EXT2: variants seen among roughly 807,000 people sequenced by gnomAD.
EXT2 encodes the protein exostosin-2.
Under a neutral mutation model 81.6 loss-of-function variants are expected in EXT2, and 53 were observed. The ratio of observed to expected loss-of-function variants is 0.65; its 90% CI spans 0.52 to 0.82. The LOEUF is 0.82. Ranked by LOEUF, EXT2 falls within the 40% of genes least tolerant of loss-of-function variation. The pLI, the probability that EXT2 is intolerant of heterozygous loss-of-function variation, is 0.00. For synonymous variants in EXT2, 320 were observed against 340.0 expected (o/e 0.94, Z 0.65); for missense variants, 774 against 910.2 (o/e 0.85, Z 1.93).
Position 44,118,721 on chromosome 11 carries a change from T to C in EXT2, c.743+4420T>C, listed in dbSNP as rs544801631. On this transcript the variant is annotated intron_variant, in intron 4 of 13. Coordinates refer to ENST00000533608, the MANE Select transcript of EXT2 (RefSeq NM_207122.2). Reference sequence around the variant, plus strand: ...ATAATTCAGTGCCCTATTTCGAGGTTAGATTTTCATAAATTCAGAAAGGAT... The same window carrying C: ...ATAATTCAGTGCCCTATTTCGAGGTCAGATTTTCATAAATTCAGAAAGGAT... 3.9e-5 allele frequency among the ~76,000 whole-genome samples: 6 copies of C among 152,268 alleles called. No individual in the cohort carries two copies. In the East Asian group the frequency reaches 1.2e-3, roughly 30 times the overall value.
At chr11:44,174,135 T>C (rs1955121478) in intron 8 of EXT2, among the ~76,000 whole-genome samples, 1 of 152,206 alleles carries the variant, frequency 6.6e-6, no homozygotes, top group Non-Finnish European at 1.5e-5. Context: ...AGAAATGATC[T>C]TCATGTGTAT....
chr11:44,182,006 CATTGATCAGAGA>C (rs1405388424), intron 8 of EXT2, among the ~76,000 whole-genome samples: 4 of 152,050 alleles, frequency 2.6e-5, no homozygotes, highest in Non-Finnish European at 5.9e-5. Context: ...TGGACTGGCT[CATTGATCAGAGA>C]ATAATCTTTC....
intron 10 of EXT2, among the ~76,000 whole-genome samples, chr11:44,223,408 G>T (rs1030079179): frequency 6.6e-6 from 1 of 152,156 alleles, no homozygotes; most frequent in Admixed American, 6.5e-5. Flanking sequence ...AAATGGTTAA[G>T]CAGACTATGG....
intron 7 of EXT2, among the ~76,000 whole-genome samples, chr11:44,137,873 G>T (rs1454487110): frequency 6.6e-6 from 1 of 152,188 alleles, no homozygotes; most frequent in East Asian, 1.9e-4. Flanking sequence ...ATTTTAAAAA[G>T]GGTGGGCACA....
At chr11:44,199,016 A>G (rs890574191) in intron 9 of EXT2, among the ~76,000 whole-genome samples, 6 of 152,184 alleles carry the variant, frequency 3.9e-5, no homozygotes, top group Non-Finnish European at 7.3e-5. Flanking sequence ...TGAGAGAATC[A>G]TATGCTTTCT....
intron 5 of EXT2, among the ~76,000 whole-genome samples, chr11:44,125,358 C>T (rs1251316637): frequency 6.6e-6 from 1 of 152,158 alleles, no homozygotes; most frequent in Non-Finnish European, 1.5e-5. Context: ...AACTTGCATC[C>T]CTTGACCATG....
chr11:44,210,187 G>T (rs1245561639), intron 10 of EXT2, among the ~76,000 whole-genome samples: 1 of 152,148 alleles, frequency 6.6e-6, no homozygotes, highest in Non-Finnish European at 1.5e-5. Context: ...ACAAATATTT[G>T]TACGCTAACA....
chr11:44,181,395 G>A (rs1955234457), intron 8 of EXT2, among the ~76,000 whole-genome samples: 1 of 152,020 alleles, frequency 6.6e-6, no homozygotes, highest in South Asian at 2.1e-4. Context: ...CTTTTAAACT[G>A]GAAATCCATG....
chr11:44,160,436 T>C (rs1454806549), intron 7 of EXT2, among the ~76,000 whole-genome samples: 1 of 152,220 alleles, frequency 6.6e-6, no homozygotes, highest in Non-Finnish European at 1.5e-5. Context: ...TGGTGACTTC[T>C]AAGCTTATTA....
chr11:44,168,499 A>G (rs1160920136), intron 7 of EXT2, among the ~76,000 whole-genome samples: 1 of 152,244 alleles, frequency 6.6e-6, no homozygotes. Flanking sequence ...GAAGCGCTAC[A>G]ATCCTCAGTG....
At position 44,109,197 on chromosome 11, in the gene EXT2, G is replaced by A. The variant is rs2134971524; in HGVS notation, c.540G>A (p.Trp180Ter). ...TACATTTTAAATTTCTTGACAGGTG[G>A]GATCGAGGTACGAATCACCTGTTGT... ...TAQAMAQLSR[W>*]DRGTNHLLFN... is the part of the protein sequence containing the mutation. Residue 180 changes from tryptophan to a stop codon, truncating the protein, a stop_gained, in exon 3 of 14, where the codon TGG (tryptophan) becomes TGA (stop). Coordinates refer to ENST00000533608, the MANE Select transcript of EXT2 (RefSeq NM_207122.2). LOFTEE classifies it high-confidence loss of function. 6.2e-7 allele frequency: 1 copy of A among 1,613,894 alleles called. No homozygotes were observed. The highest frequency in any genetic ancestry group is 8.5e-7 in the Non-Finnish European group (1 of 1,179,904).
intron 1 of EXT2, 30 bp from the exon 2 acceptor site, chr11:44,107,653 G>A: frequency 1.9e-6 from 3 of 1,587,316 alleles, no homozygotes; most frequent in South Asian, 1.1e-5. Context: ...TAAATACTTG[G>A]TTTTTCTTAT....
At chr11:44,100,739 A>G (rs947021614) in intron 1 of EXT2, among the ~76,000 whole-genome samples, 5 of 152,168 alleles carry the variant, frequency 3.3e-5, no homozygotes, top group Non-Finnish European at 7.3e-5. Context: ...AAGGAAGCTG[A>G]ATGCACAGCC....
Position 44,248,964 on chromosome 11 carries a change from G to GTT in EXT2, c.*4683_*4684dup, listed in dbSNP as rs56956349. ...ACATTTGCAACCATTTCAGGGTAGA[G>GTT]TTTTTTTGTTTGTTTGTTTGTTTGT... On this transcript the variant is annotated 3_prime_UTR_variant, in exon 14 of 14. Transcript: ENST00000533608. Among the ~76,000 whole-genome samples the GTT allele has an allele frequency of 6.6e-5, 10 of 151,692 alleles. No individual in the cohort carries two copies. The highest frequency in any genetic ancestry group is 9.7e-5 in the African/African-American group (4 of 41,230).
At position 44,220,859 on chromosome 11, in the gene EXT2, C is replaced by G. The variant is rs1225794509; in HGVS notation, c.1663-11494C>G. ...TGAAGGAAGCCGCAGTAAAGCCTGA[C>G]CTCTCAGAGCTTCTCTAAAGCACCC... On this transcript the variant is annotated intron_variant, in intron 10 of 13. Transcript: ENST00000533608. This position sits in a 1 kb window ranked among gnomAD's most constrained non-coding sequence, Gnocchi z 4.4. Among the ~76,000 whole-genome samples, 1 of 152,138 alleles carries G rather than the reference C, an allele frequency of 6.6e-6. No individual in the cohort carries two copies. The highest frequency in any genetic ancestry group is 1.5e-5 in the Non-Finnish European group (1 of 68,030).
chr11:44,243,084 T>G (rs927382066), intron 13 of EXT2, among the ~76,000 whole-genome samples: 1 of 152,168 alleles, frequency 6.6e-6, no homozygotes, highest in East Asian at 1.9e-4. Context: ...TAATAACAAA[T>G]TTTTTTAGAA....
At chr11:44,163,447 G>A (rs1163321601) in intron 7 of EXT2, among the ~76,000 whole-genome samples, 3 of 152,202 alleles carry the variant, frequency 2.0e-5, no homozygotes, top group African/African-American at 7.2e-5. Flanking sequence ...GCTGTCAAAA[G>A]GACCAGTGAG....
intron 7 of EXT2, among the ~76,000 whole-genome samples, chr11:44,151,291 C>T (rs375248796): frequency 1.0e-3 from 152 of 152,258 alleles, no homozygotes; most frequent in African/African-American, 3.4e-3. Context: ...TGATATTTTA[C>T]ATTGTATGGG....
At chr11:44,108,601 AT>A (rs542098938) in intron 2 of EXT2, among the ~76,000 whole-genome samples, 66 of 152,352 alleles carry the variant, frequency 4.3e-4, no homozygotes, top group African/African-American at 1.5e-3. Flanking sequence ...ACTGTAAGAA[AT>A]CTGAAAATAC....
Sources: gnomAD v4.1 joint callset for allele counts (sites outside exome capture counted in the v4.1 genomes callset) on GRCh38, gnomAD v4.1.1 for gene constraint, Gnocchi (gnomAD v3.1) non-coding constraint, MANE v1.5 for transcripts, NCBI Gene and HGNC (gene_info 2026-07-23, HGNC 2026-07-21) for gene names.